CTCF: variants seen among roughly 807,000 people sequenced by gnomAD.
CTCF encodes the protein transcriptional repressor CTCF.
In CTCF, 7 loss-of-function variants were observed where a neutral mutation model predicts 72.3. That is an observed-to-expected ratio of 0.10 (90% CI 0.06 to 0.18). CTCF has a LOEUF of 0.18. Ranked by LOEUF, CTCF falls within the 10% of genes least tolerant of loss-of-function variation. CTCF has a pLI of 1.00. For missense variants in CTCF, 516 were observed against 949.1 expected (o/e 0.54, Z 6.00); for synonymous variants, 374 against 315.8 (o/e 1.18, Z -1.95).
chr16:67,635,355 G>A (rs1401070089), intron 10 of CTCF, among the ~76,000 whole-genome samples: 3 of 150,846 alleles, frequency 2.0e-5, no homozygotes, highest in Admixed American at 6.6e-5. Context: ...AAGTAGAGAC[G>A]GGGTTTCACC....
intron 7 of CTCF, among the ~76,000 whole-genome samples, chr16:67,625,800 C>A (rs2052276104): frequency 6.7e-6 from 1 of 149,570 alleles, no homozygotes; most frequent in Non-Finnish European, 1.5e-5. Flanking sequence ...CTTCTCTGTC[C>A]CCTATGCCCC....
intron 2 of CTCF, among the ~76,000 whole-genome samples, chr16:67,607,406 A>G (rs2142810792): frequency 6.6e-6 from 1 of 152,102 alleles, no homozygotes. Flanking sequence ...CCAGGGTTCA[A>G]GTTCTTTTCG....
intron 2 of CTCF, among the ~76,000 whole-genome samples, chr16:67,576,707 T>C (rs1334243059): frequency 6.6e-6 from 1 of 151,886 alleles, no homozygotes; most frequent in African/African-American, 2.4e-5. Flanking sequence ...ATTTTTTGTG[T>C]TTTTAGTAGA....
chr16:67,619,229 A>C (rs2052170831), intron 5 of CTCF, among the ~76,000 whole-genome samples: 1 of 152,174 alleles, frequency 6.6e-6, no homozygotes, highest in Non-Finnish European at 1.5e-5. Context: ...TGAGATCAAG[A>C]GTTTGAGACC....
intron 6 of CTCF, chr16:67,621,153 T>TA (rs2052194259): frequency 2.7e-6 from 1 of 365,474 alleles, no homozygotes; most frequent in African/African-American, 2.0e-5. Flanking sequence ...TGTCTTTTCC[T>TA]AAAAAGAAAA....
chr16:67,575,391 G>A (rs1035479816), intron 2 of CTCF, among the ~76,000 whole-genome samples: 2 of 151,372 alleles, frequency 1.3e-5, no homozygotes, highest in African/African-American at 4.9e-5. Flanking sequence ...CAGCTTAATA[G>A]CTATATGGCC....
chr16:67,562,921 A>ACGCC (rs529970183), intron 1 of CTCF, among the ~76,000 whole-genome samples, 197 bp downstream of exon 1: 139 of 41,456 alleles, frequency 3.4e-3, no homozygotes, highest in East Asian at 0.012. Flanking sequence ...CCCCACCCCC[A>ACGCC]CGCCCGCCCG....
chr16:67,624,119 GTGTGTGTA>G (rs2052247560), intron 7 of CTCF, among the ~76,000 whole-genome samples: 13 of 121,838 alleles, frequency 1.1e-4, no homozygotes, highest in African/African-American at 4.4e-4. Context: ...GTGTGTGTAT[GTGTGTGTA>G]TATATATGTG....
In CTCF at chr16:67,621,427, G is replaced by A. The variant is rs1293361503; in HGVS notation, c.1208-15G>A. The stretch of plus-strand genomic sequence containing the variant: ...TTCATTTCATTTATGTGTTCATTCT[G>A]TATTTTCTTTAAAGGGGAAAAGCCT... On this transcript the variant is annotated splice_polypyrimidine_tract_variant and intron_variant, in intron 6 of 11. Coordinates refer to ENST00000264010, the MANE Select transcript of CTCF (RefSeq NM_006565.4). 10 of 1,568,606 alleles carry A rather than the reference G, an allele frequency of 6.4e-6. No individual in the cohort carries two copies. Among genetic ancestry groups the A allele is most frequent in the Non-Finnish European group, 5.3e-6 (6 of 1,140,816 alleles).
chr16:67,571,626 A>G (rs2051421803), intron 2 of CTCF, among the ~76,000 whole-genome samples: 1 of 152,168 alleles, frequency 6.6e-6, no homozygotes, highest in Non-Finnish European at 1.5e-5. Context: ...TTTCTGTAGA[A>G]ACCCTTGGAA....
chr16:67,632,060 C>T (rs139952023), intron 10 of CTCF, among the ~76,000 whole-genome samples: 1 of 143,714 alleles, frequency 7.0e-6, no homozygotes, highest in Non-Finnish European at 1.5e-5. Context: ...GGTAACAGAG[C>T]GAGACCCTGT....
chr16:67,610,677 A>C (rs2052049910), intron 2 of CTCF, 147 bp from the exon 3 acceptor site: 1 of 489,990 alleles, frequency 2.0e-6, no homozygotes, highest in South Asian at 7.1e-5. Flanking sequence ...TCTTTCATCA[A>C]GAGGCACATG....
At chr16:67,632,374 A>G (rs1471514392) in intron 10 of CTCF, among the ~76,000 whole-genome samples, 2 of 152,166 alleles carry the variant, frequency 1.3e-5, no homozygotes, top group African/African-American at 4.8e-5. Context: ...ATAGATTTCT[A>G]CAGTTCTGTG....
At chr16:67,592,866 A>C (rs1456398883) in intron 2 of CTCF, among the ~76,000 whole-genome samples, 2 of 151,916 alleles carry the variant, frequency 1.3e-5, no homozygotes, top group African/African-American at 4.8e-5. Context: ...GTCTCTACTA[A>C]AAATACAAAA....
At chr16:67,583,518 C>G (rs912994706) in intron 2 of CTCF, among the ~76,000 whole-genome samples, 3 of 151,866 alleles carry the variant, frequency 2.0e-5, no homozygotes, top group African/African-American at 4.8e-5. Flanking sequence ...GAAACCCTGT[C>G]TCTACTGAAA....
intron 1 of CTCF, among the ~76,000 whole-genome samples, chr16:67,567,043 T>C (rs763066877): frequency 1.6e-4 from 25 of 152,022 alleles, no homozygotes; most frequent in Non-Finnish European, 2.9e-4. Flanking sequence ...GGTTTTGTCA[T>C]GTTGCCTAGG....
At chr16:67,563,546 G>C (rs1049938429) in intron 1 of CTCF, 3 of 152,240 alleles carry the variant, frequency 2.0e-5, no homozygotes, top group African/African-American at 7.2e-5. Flanking sequence ...CTCGCGCCCG[G>C]GTTCCTGGCC....
chr16:67,621,262 A>T, intron 6 of CTCF, 180 bp from the exon 7 acceptor site: 2 of 529,956 alleles, frequency 3.8e-6, no homozygotes, highest in South Asian at 2.9e-5. Flanking sequence ...GGCCAGCAGC[A>T]GTTTAGGACT....
At chr16:67,579,318 G>C (rs2051547959) in intron 2 of CTCF, among the ~76,000 whole-genome samples, 1 of 151,712 alleles carries the variant, frequency 6.6e-6, no homozygotes, top group South Asian at 2.1e-4. Context: ...TATACACGTT[G>C]TTCTAGACGT....
Sources: gnomAD v4.1 joint callset for allele counts (sites outside exome capture counted in the v4.1 genomes callset) on GRCh38, gnomAD v4.1.1 for gene constraint, MANE v1.5 for transcripts, NCBI Gene and HGNC (gene_info 2026-07-23, HGNC 2026-07-21) for gene names.